The following PHF24 variants were observed in gnomAD, a reference collection of about 807,000 sequenced individuals.
PHF24 encodes the protein PHD finger protein 24.
In PHF24, 25 loss-of-function variants were observed where a neutral mutation model predicts 42.6. That is an observed-to-expected ratio of 0.59 (90% CI 0.43 to 0.82). The LOEUF (loss-of-function observed/expected upper bound fraction) is 0.82. Ranked by LOEUF, PHF24 falls within the 40% of genes least tolerant of loss-of-function variation. The pLI, the probability that PHF24 is intolerant of heterozygous loss-of-function variation, is 0.00. For synonymous variants in PHF24, 185 were observed against 204.8 expected, an observed-to-expected ratio of 0.90 and a Z score of 0.83; for missense variants, 470 against 538.1, an observed-to-expected ratio of 0.87 and a Z score of 1.25.
At chr9:34,813,837 G>A in the PHF24 span, among the ~76,000 whole-genome samples, 2 of 152,232 alleles carry the variant, frequency 1.3e-5, no homozygotes, top group African/African-American at 4.8e-5. Flanking sequence ...ATTACACAAA[G>A]CATGAACACC....
chr9:34,851,864 A>T, the PHF24 span, among the ~76,000 whole-genome samples: 1 of 152,190 alleles, frequency 6.6e-6, no homozygotes, highest in African/African-American at 2.4e-5. Context: ...CTTGTCTTTT[A>T]ACTTTCATAC....
chr9:34,941,194 G>A, the PHF24 span, among the ~76,000 whole-genome samples: 1 of 152,108 alleles, frequency 6.6e-6, no homozygotes, highest in African/African-American at 2.4e-5. Context: ...TCTATATACT[G>A]CATCCTAAAG....
the PHF24 span, among the ~76,000 whole-genome samples, chr9:34,746,566 T>C: frequency 1.5e-4 from 23 of 152,226 alleles, no homozygotes; most frequent in Admixed American, 1.3e-4. Context: ...TATGATAATA[T>C]TGATGTAGAA....
chr9:34,843,847 C>CAA, the PHF24 span, among the ~76,000 whole-genome samples: 1,710 of 152,246 alleles, frequency 0.011, 44 homozygotes, highest in East Asian at 0.093. Flanking sequence ...GTTGGGATTA[C>CAA]AGGTGTGAAC....
the PHF24 span, chr9:34,728,732 A>G: frequency 7.4e-7 from 1 of 1,343,292 alleles, no homozygotes; most frequent in Non-Finnish European, 1.0e-6. Context: ...CAAAACTTAC[A>G]TACATTTTTC....
At chr9:34,771,267 A>G in the PHF24 span, among the ~76,000 whole-genome samples, 1 of 152,258 alleles carries the variant, frequency 6.6e-6, no homozygotes, top group Non-Finnish European at 1.5e-5. Flanking sequence ...ATAGCCTACT[A>G]CATGCTGAGG....
chr9:34,924,054 A>G, the PHF24 span, among the ~76,000 whole-genome samples: 1 of 152,108 alleles, frequency 6.6e-6, no homozygotes, highest in Admixed American at 6.5e-5. Flanking sequence ...TAATCTCTCC[A>G]TTGACCCACT....
the PHF24 span, among the ~76,000 whole-genome samples, chr9:34,862,738 A>T: frequency 2.0e-5 from 3 of 151,280 alleles, no homozygotes; most frequent in Non-Finnish European, 4.4e-5. Flanking sequence ...TATGGGGGAA[A>T]GTGCCTTCTG....
chr9:34,731,068 G>A, the PHF24 span, among the ~76,000 whole-genome samples: 3 of 152,136 alleles, frequency 2.0e-5, no homozygotes, highest in Non-Finnish European at 4.4e-5. Context: ...AGAGTGTATA[G>A]CTGTCTCTCA....
At chr9:34,928,493 T>C in the PHF24 span, among the ~76,000 whole-genome samples, 2 of 152,190 alleles carry the variant, frequency 1.3e-5, no homozygotes, top group East Asian at 3.8e-4. Context: ...CAACAAAGTT[T>C]ATGCTTCTGC....
intron 1 of PHF24, among the ~76,000 whole-genome samples, chr9:34,960,059 C>T (rs1230598726): frequency 6.6e-6 from 1 of 152,218 alleles, no homozygotes. Flanking sequence ...AAAGGGTCTG[C>T]GCCAGACATA....
At chr9:34,818,307 G>A in the PHF24 span, among the ~76,000 whole-genome samples, 1 of 152,172 alleles carries the variant, frequency 6.6e-6, no homozygotes, top group Non-Finnish European at 1.5e-5. Flanking sequence ...GATATTAGCT[G>A]TAGGACTTCT....
chr9:34,674,829 C>T, the PHF24 span, among the ~76,000 whole-genome samples: 2 of 152,034 alleles, frequency 1.3e-5, no homozygotes, highest in Admixed American at 6.6e-5. Flanking sequence ...GTAAGGGTGT[C>T]GGCAATTATG....
At chr9:34,800,961 C>A in the PHF24 span, among the ~76,000 whole-genome samples, 3 of 151,662 alleles carry the variant, frequency 2.0e-5, no homozygotes, top group Non-Finnish European at 2.9e-5. Context: ...GGAACTTGAA[C>A]AAATTTACAA....
At chr9:34,726,921 A>G in the PHF24 span, 1 of 1,551,722 alleles carries the variant, frequency 6.4e-7, no homozygotes, top group South Asian at 1.2e-5. Flanking sequence ...ACAGAATTGC[A>G]GATTTGGCAG....
chr9:34,932,325 T>C, the PHF24 span, among the ~76,000 whole-genome samples: 40 of 152,280 alleles, frequency 2.6e-4, no homozygotes, highest in East Asian at 7.1e-3. Context: ...GATTCAAGCA[T>C]GGAAAAGGGG....
chr9:34,972,731 T>C (rs954333925), intron 3 of PHF24, among the ~76,000 whole-genome samples, 200 bp downstream of exon 3: 3 of 152,068 alleles, frequency 2.0e-5, no homozygotes, highest in Non-Finnish European at 2.9e-5. Context: ...CTGGCCAACA[T>C]GGTGAAACCC....
chr9:34,696,503 A>G, the PHF24 span, among the ~76,000 whole-genome samples: 3 of 151,664 alleles, frequency 2.0e-5, no homozygotes, highest in Non-Finnish European at 4.4e-5. Context: ...AAAAAAAAAA[A>G]AAAAGTTTAG....
At chr9:34,693,763 C>T in the PHF24 span, among the ~76,000 whole-genome samples, 1,503 of 152,214 alleles carry the variant, frequency 9.9e-3, 19 homozygotes, top group African/African-American at 0.034. Flanking sequence ...AAGTTCATTA[C>T]GCCTGGCCTG....
Sources: allele counts gnomAD v4.1 joint callset (sites outside exome capture counted in the v4.1 genomes callset), GRCh38; gene constraint gnomAD v4.1.1; transcripts MANE v1.5; gene names NCBI Gene and HGNC (gene_info 2026-07-23, HGNC 2026-07-21).